Variants in TANGO6 observed in about 807,000 individuals in gnomAD.
TANGO6 encodes the protein transport and golgi organization 6 homolog.
In TANGO6, 90 loss-of-function variants were observed where a neutral mutation model predicts 114.2. The ratio of observed to expected loss-of-function variants is 0.79; its 90% CI spans 0.66 to 0.94. The LOEUF (loss-of-function observed/expected upper bound fraction) is 0.94. TANGO6 is among the 40% of genes least tolerant of loss of function. TANGO6 has a pLI of 0.00. For missense variants in TANGO6, 1,274 were observed against 1,315.3 expected, an observed-to-expected ratio of 0.97 and a Z score of 0.49; for synonymous variants, 477 against 509.8, an observed-to-expected ratio of 0.94 and a Z score of 0.87.
intron 17 of TANGO6, among the ~76,000 whole-genome samples, chr16:69,077,940 T>A (rs1960405320): frequency 6.6e-6 from 1 of 152,158 alleles, no homozygotes; most frequent in South Asian, 2.1e-4. Flanking sequence ...TTATTTTTTA[T>A]TTGTTTATTT....
chr16:68,872,334 C>CAT (rs1962285006), intron 4 of TANGO6, among the ~76,000 whole-genome samples: 2 of 150,274 alleles, frequency 1.3e-5, no homozygotes, highest in Non-Finnish European at 2.9e-5. Context: ...CAGAGTCTTG[C>CAT]TCTGTCACCC....
intron 15 of TANGO6, among the ~76,000 whole-genome samples, chr16:69,020,305 G>A (rs1218137923): frequency 1.3e-5 from 2 of 152,270 alleles, no homozygotes; most frequent in African/African-American, 4.8e-5. Context: ...TTGTTATGCA[G>A]CTCATGACTG....
intron 14 of TANGO6, among the ~76,000 whole-genome samples, chr16:68,931,650 C>A (rs1025093145): frequency 2.0e-5 from 3 of 152,136 alleles, no homozygotes; most frequent in African/African-American, 7.2e-5. Context: ...CCACAAAATA[C>A]TATATTTTAT....
intron 15 of TANGO6, among the ~76,000 whole-genome samples, chr16:68,996,451 T>G (rs1963990117): frequency 6.6e-6 from 1 of 151,998 alleles, no homozygotes; most frequent in Admixed American, 6.6e-5. Flanking sequence ...AGTAGTGAGG[T>G]AGAGTTCTAG....
At chr16:68,906,866 T>C (rs1209274837) in intron 9 of TANGO6, among the ~76,000 whole-genome samples, 2 of 150,772 alleles carry the variant, frequency 1.3e-5, no homozygotes, top group Non-Finnish European at 2.9e-5. Context: ...CAATCTCGGC[T>C]CACTGCACCC....
chr16:68,850,902 C>A (rs1169062513), intron 1 of TANGO6, among the ~76,000 whole-genome samples: 1 of 152,024 alleles, frequency 6.6e-6, no homozygotes, highest in Non-Finnish European at 1.5e-5. Context: ...TTTGCATTTT[C>A]TTTTTGATTT....
At chr16:69,027,109 G>C (rs1010667934) in intron 16 of TANGO6, among the ~76,000 whole-genome samples, 5 of 152,282 alleles carry the variant, frequency 3.3e-5, no homozygotes, top group African/African-American at 1.2e-4. Flanking sequence ...TGATCTGCGT[G>C]CCTCGGCCTC....
At chr16:68,972,291 A>T (rs1963714582) in intron 14 of TANGO6, among the ~76,000 whole-genome samples, 1 of 152,122 alleles carries the variant, frequency 6.6e-6, no homozygotes, top group African/African-American at 2.4e-5. Flanking sequence ...AGCCCTCAGC[A>T]GGTGCTCCGC....
chr16:68,893,607 G>A (rs1289991780), intron 7 of TANGO6, among the ~76,000 whole-genome samples: 2 of 151,592 alleles, frequency 1.3e-5, no homozygotes, highest in East Asian at 1.9e-4. Context: ...GTGGTGGCAC[G>A]CACCTGTAAT....
At chr16:69,028,044 C>T (rs919696122) in intron 16 of TANGO6, among the ~76,000 whole-genome samples, 1 of 152,082 alleles carries the variant, frequency 6.6e-6, no homozygotes, top group African/African-American at 2.4e-5. Context: ...ACTGCAACCT[C>T]CACCTGCCGG....
At position 68,919,213 on chromosome 16, in the gene TANGO6, T is replaced by A. The variant is rs1217864259; in HGVS notation, c.2121T>A (p.Ala707=). The change falls in exon 12 of 18, where the codon GCT becomes GCA. Residue 707 remains alanine (A), a synonymous_variant. Transcript: ENST00000261778. ...TGGTGGCTGTCATGCTAGGAGGAGC[T>A]GTTCAGGTGAGTTGTAGACATGAGG... ...MGLVAVMLGG[A]VQLKSSDFAV... is the part of the protein sequence containing the mutation. The A allele has an allele frequency of 6.2e-7, 1 of 1,612,564 alleles. No homozygotes were observed. Among genetic ancestry groups the A allele is most frequent in the Admixed American group, 1.7e-5 (1 of 59,794 alleles).
intron 17 of TANGO6, among the ~76,000 whole-genome samples, chr16:69,045,578 C>T (rs1217712408): frequency 1.3e-5 from 2 of 151,144 alleles, no homozygotes; most frequent in Non-Finnish European, 1.5e-5. Context: ...CCCCTCTCTA[C>T]TAAAAATACA....
rs2152217012 is a variant in TANGO6 at position 68,987,432 on chromosome 16, G to C, written c.2842+13264G>C. 1.3e-5 allele frequency among the ~76,000 whole-genome samples: 2 copies of C among 152,286 alleles called. 1 individual carries two copies. The highest frequency in any genetic ancestry group is 4.1e-4 in the South Asian group (2 of 4,828). ...CACCCAGGCTGGCATGCAGTAGCAT[G>C]ATCTCGGCTCACTGCAGCCTCTGCC... is the stretch of plus-strand genomic sequence containing the variant. On this transcript the variant is annotated intron_variant, in intron 15 of 17. Transcript: ENST00000261778.
At chr16:69,074,243 CAAG>C (rs1960339255) in intron 17 of TANGO6, among the ~76,000 whole-genome samples, 1 of 151,716 alleles carries the variant, frequency 6.6e-6, no homozygotes, top group Admixed American at 6.6e-5. Flanking sequence ...ATAACAACAA[CAAG>C]AAGAAAGTAC....
In TANGO6 at chr16:69,025,771, C is replaced by CT. The variant is rs75186260; in HGVS notation, c.2994+2806dup. On this transcript the variant is annotated intron_variant, in intron 16 of 17. Transcript: ENST00000261778. Reference sequence around the variant, plus strand: ...ATAGGCATCAGCCATTGCACCTGGCCTTTTTTTTTTTTTTCCACTTTAAGC... The same window carrying CT: ...ATAGGCATCAGCCATTGCACCTGGCCTTTTTTTTTTTTTTTCCACTTTAAGC... 679 of 140,692 alleles carry CT rather than the reference C, an allele frequency of 4.8e-3. 4 individuals are homozygous for CT. Among genetic ancestry groups the CT allele is most frequent in the African/African-American group, 8.2e-3 (311 of 37,772 alleles). The allele number at this position is 140,692 out of a possible 1,614,324, so 8.7% of individuals were successfully genotyped here.
At chr16:68,930,567 A>G (rs995247770) in intron 14 of TANGO6, among the ~76,000 whole-genome samples, 4 of 152,070 alleles carry the variant, frequency 2.6e-5, no homozygotes, top group Admixed American at 1.3e-4. Flanking sequence ...CCTCTAATTC[A>G]AGGAGGTAAA....
chr16:69,040,331 G>A lies in TANGO6; in HGVS notation c.3018G>A (p.Val1006=). The change falls in exon 17 of 18, where the codon GTG becomes GTA. Residue 1006 remains valine (V), a synonymous_variant. Transcript: ENST00000261778. ...VHEVTACLIA[V]AKTDGEVQVR... is the part of the protein sequence containing the mutation. ...AGGTAACAGCTTGCCTGATTGCTGT[G>A]GCCAAAACAGATGGTGAAGTTCAAG... The A allele has an allele frequency of 6.2e-7, 1 of 1,608,058 alleles. No homozygotes were observed. Among genetic ancestry groups the A allele is most frequent in the Admixed American group, 1.7e-5 (1 of 59,110 alleles).
At chr16:69,060,473 T>C (rs1413973438) in intron 17 of TANGO6, among the ~76,000 whole-genome samples, 1 of 152,072 alleles carries the variant, frequency 6.6e-6, no homozygotes, top group African/African-American at 2.4e-5. Context: ...TGCATGCCTG[T>C]AGTCCCAGCT....
At chr16:69,054,839 C>G (rs1423738651) in intron 17 of TANGO6, among the ~76,000 whole-genome samples, 1 of 150,570 alleles carries the variant, frequency 6.6e-6, no homozygotes, top group Admixed American at 6.7e-5. Flanking sequence ...CATTCGGGAG[C>G]CTGAGGCAGG....
Sources: gnomAD v4.1 joint callset for allele counts (sites outside exome capture counted in the v4.1 genomes callset) on GRCh38, gnomAD v4.1.1 for gene constraint, MANE v1.5 for transcripts, NCBI Gene and HGNC (gene_info 2026-07-23, HGNC 2026-07-21) for gene names.